Variants in COL23A1 observed in about 807,000 individuals in gnomAD.
COL23A1 encodes collagen type XXIII alpha 1 chain.
Under a neutral mutation model 99.3 loss-of-function variants are expected in COL23A1, and 97 were observed. The ratio of observed to expected loss-of-function variants is 0.98; its 90% confidence interval spans 0.83 to 1.16. The LOEUF (loss-of-function observed/expected upper bound fraction) is 1.16. Ranked by LOEUF, COL23A1 falls within the 50% of genes most tolerant of loss-of-function variation. The pLI is 0.00. For synonymous variants in COL23A1, 320 were observed against 308.2 expected, an observed-to-expected ratio of 1.04 and a Z score of -0.40; for missense variants, 762 against 757.4, an observed-to-expected ratio of 1.01 and a Z score of -0.07.
At chr5:178,587,797 T>C (rs924413627) in intron 1 of COL23A1, among the ~76,000 whole-genome samples, 2 of 152,216 alleles carry the variant, frequency 1.3e-5, no homozygotes, top group African/African-American at 2.4e-5. Context: ...AACTCATTGT[T>C]ACCGGCCAGG....
At chr5:178,520,857 G>A (rs1035402460) in intron 2 of COL23A1, among the ~76,000 whole-genome samples, 4 of 152,180 alleles carry the variant, frequency 2.6e-5, no homozygotes, top group African/African-American at 7.2e-5. Context: ...TTGTCCAGAC[G>A]GTATTAGGAA....
intron 2 of COL23A1, among the ~76,000 whole-genome samples, chr5:178,525,858 C>T (rs191885768): frequency 8.5e-5 from 13 of 152,390 alleles, no homozygotes; most frequent in Admixed American, 6.5e-4. Flanking sequence ...AGGCAAAGCA[C>T]GGCCTAGGCC....
At chr5:178,290,943 C>T (rs56327056) in intron 3 of COL23A1, among the ~76,000 whole-genome samples, 2,555 of 152,264 alleles carry the variant, frequency 0.017, 69 homozygotes, top group African/African-American at 0.057. Flanking sequence ...CCCACAGGGG[C>T]TTCACCTCAC....
At chr5:178,392,298 G>A (rs1222719999) in intron 2 of COL23A1, among the ~76,000 whole-genome samples, 1 of 152,024 alleles carries the variant, frequency 6.6e-6, no homozygotes, top group African/African-American at 2.4e-5. Context: ...GAGCCCGCAC[G>A]GACGCAGCAT....
chr5:178,523,201 T>TATATATATATAGAGAGAGAG (rs1223542330), intron 2 of COL23A1, among the ~76,000 whole-genome samples: 3 of 77,632 alleles, frequency 3.9e-5, no homozygotes, highest in Non-Finnish European at 7.6e-5. Flanking sequence ...TATATATATA[T>TATATATATATAGAGAGAGAG]AGAGAGAGAG....
intron 1 of COL23A1, among the ~76,000 whole-genome samples, chr5:178,581,544 C>T (rs569745484): frequency 8.2e-5 from 12 of 145,958 alleles, no homozygotes; most frequent in African/African-American, 2.5e-4. Flanking sequence ...CCAGCCTGGG[C>T]GACAGAGTGA....
intron 2 of COL23A1, among the ~76,000 whole-genome samples, chr5:178,319,404 T>G (rs111563556): frequency 2.0e-5 from 3 of 152,350 alleles, no homozygotes; most frequent in African/African-American, 7.2e-5. Flanking sequence ...CTCTATTTTT[T>G]TTTTTAAACT....
chr5:178,578,307 C>T (rs959433850), intron 1 of COL23A1, among the ~76,000 whole-genome samples: 1 of 152,206 alleles, frequency 6.6e-6, no homozygotes, highest in Non-Finnish European at 1.5e-5. Flanking sequence ...CACACATACA[C>T]ACTTCCACCC....
At chr5:178,393,676 G>A (rs1196910434) in intron 2 of COL23A1, among the ~76,000 whole-genome samples, 1 of 149,972 alleles carries the variant, frequency 6.7e-6, no homozygotes, top group Non-Finnish European at 1.5e-5. Context: ...TCCAGACAGG[G>A]TCTTGCTGTG....
chr5:178,436,591 CAA>C (rs1193171663), intron 2 of COL23A1, among the ~76,000 whole-genome samples: 1 of 152,210 alleles, frequency 6.6e-6, no homozygotes, highest in Non-Finnish European at 1.5e-5. Flanking sequence ...TGACTCGGAA[CAA>C]GAGCTCCAGA....
chr5:178,547,156 G>A (rs1411741442), intron 2 of COL23A1, among the ~76,000 whole-genome samples: 1 of 152,042 alleles, frequency 6.6e-6, no homozygotes. Flanking sequence ...TCCCCGTAGG[G>A]AATACATTTC....
chr5:178,258,320 C>A lies in COL23A1; in HGVS notation c.730-753G>T, dbSNP rs1053956095. 2.8e-5 allele frequency among the ~76,000 whole-genome samples: 4 copies of A among 144,974 alleles called. No individual in the cohort carries two copies. The East Asian group carries it at 8.0e-4, about 29-fold the overall frequency. ...GGAAGTGGAGAAGAGAAGAGGATGG[C>A]CTGGTGGTGAGGGACTGCAGGGAGG... On this transcript the variant is annotated intron_variant, in intron 12 of 28. Transcript: ENST00000390654.
chr5:178,314,930 G>A (rs1407769220), intron 2 of COL23A1, among the ~76,000 whole-genome samples: 2 of 152,146 alleles, frequency 1.3e-5, no homozygotes, highest in East Asian at 1.9e-4. Context: ...AAGGAGAGAG[G>A]TTAAATAGTC....
intron 2 of COL23A1, among the ~76,000 whole-genome samples, chr5:178,431,796 T>C (rs1007835864): frequency 6.6e-6 from 1 of 152,210 alleles, no homozygotes; most frequent in African/African-American, 2.4e-5. Context: ...GCCACCAAGT[T>C]TGTGATAATT....
At chr5:178,532,583 T>C (rs1244202602) in intron 2 of COL23A1, among the ~76,000 whole-genome samples, 1 of 152,166 alleles carries the variant, frequency 6.6e-6, no homozygotes, top group Non-Finnish European at 1.5e-5. Flanking sequence ...AAGGGGAAAC[T>C]GAGTCTTGAG....
chr5:178,275,440 G>A (rs933308163), intron 5 of COL23A1, among the ~76,000 whole-genome samples: 1 of 152,146 alleles, frequency 6.6e-6, no homozygotes, highest in African/African-American at 2.4e-5. Context: ...TTCCTAAGCC[G>A]GGTTCACAGA....
chr5:178,574,148 C>T (rs547075433), intron 1 of COL23A1, among the ~76,000 whole-genome samples: 4 of 152,176 alleles, frequency 2.6e-5, no homozygotes, highest in South Asian at 2.1e-4. Context: ...CATGAGCCAC[C>T]GCACCTGGAC....
Position 178,588,147 on chromosome 5 carries a change from A to G in COL23A1, c.294+1757T>C, listed in dbSNP as rs370482198. 5.3e-5 allele frequency among the ~76,000 whole-genome samples: 8 copies of G among 152,274 alleles called. 1 individual carries two copies. The highest frequency in any genetic ancestry group is 2.0e-4 in the Admixed American group (3 of 15,302). ...AAGAACAGAGAGAGAGAGAGAACAC[A>G]CACCCTGTCCAATAACTCATTGTTC... On this transcript the variant is annotated intron_variant, in intron 1 of 28. Coordinates refer to ENST00000390654, the MANE Select transcript of COL23A1 (RefSeq NM_173465.4).
chr5:178,426,035 G>T (rs1482755967), intron 2 of COL23A1, among the ~76,000 whole-genome samples: 1 of 152,106 alleles, frequency 6.6e-6, no homozygotes, highest in Non-Finnish European at 1.5e-5. Context: ...CAGCAGGGGG[G>T]GCAACCAAAG....
Sources: gnomAD v4.1 joint callset for allele counts (sites outside exome capture counted in the v4.1 genomes callset) on GRCh38, gnomAD v4.1.1 for gene constraint, MANE v1.5 for transcripts, NCBI Gene and HGNC (gene_info 2026-07-23, HGNC 2026-07-21) for gene names.